SCAPER: variants seen among roughly 807,000 people sequenced by gnomAD.
SCAPER encodes S-phase cyclin A associated protein in the ER.
SCAPER carries 98 observed loss-of-function variants against 182.2 expected under a neutral mutation model. That is an observed-to-expected ratio of 0.54 (90% CI 0.46 to 0.64). The LOEUF is 0.64. SCAPER is among the 30% of genes least tolerant of loss of function. SCAPER has a pLI of 0.00. For synonymous variants in SCAPER, 605 were observed against 564.6 expected (o/e 1.07, Z -1.01); for missense variants, 1,432 against 1,690.0 (o/e 0.85, Z 2.68).
chr15:76,574,466 C>T (rs951800382), intron 22 of SCAPER, among the ~76,000 whole-genome samples, 182 bp from the exon 23 acceptor site: 1 of 152,192 alleles, frequency 6.6e-6, no homozygotes, highest in Non-Finnish European at 1.5e-5. Flanking sequence ...TTCATGACCA[C>T]CAATTCATTC....
At chr15:76,864,377 T>C (rs2072109425) in intron 2 of SCAPER, among the ~76,000 whole-genome samples, 2 of 152,228 alleles carry the variant, frequency 1.3e-5, no homozygotes, top group Non-Finnish European at 2.9e-5. Flanking sequence ...GAGAAACACA[T>C]TTACTAACTA....
Position 76,888,525 on chromosome 15 carries a change from G to A in SCAPER, c.-59-4649C>T, listed in dbSNP as rs111879903. Among the ~76,000 whole-genome samples the A allele has an allele frequency of 8.0e-3, 1,214 of 152,260 alleles. 11 individuals are homozygous for A. The highest frequency in any genetic ancestry group is 0.027 in the African/African-American group (1,139 of 41,514). The stretch of plus-strand genomic sequence containing the variant: ...AACCATGGCAAGAGAACTTCGTGAC[G>A]CATGCATAAGCCTCAGCAGCCGATT... On this transcript the variant is annotated intron_variant, in intron 1 of 31. Coordinates refer to ENST00000563290, the MANE Select transcript of SCAPER (RefSeq NM_020843.4).
At chr15:76,873,443 G>A (rs917352037) in intron 2 of SCAPER, among the ~76,000 whole-genome samples, 3 of 151,778 alleles carry the variant, frequency 2.0e-5, no homozygotes, top group Non-Finnish European at 4.4e-5. Context: ...CTTATAGGAA[G>A]AAATGGAAAG....
At chr15:76,664,447 T>C (rs1214118523) in intron 21 of SCAPER, among the ~76,000 whole-genome samples, 1 of 152,146 alleles carries the variant, frequency 6.6e-6, no homozygotes, top group East Asian at 1.9e-4. Context: ...AAAGTATTCA[T>C]TTGCTGATAT....
chr15:76,749,152 T>A (rs2061960059), intron 15 of SCAPER, among the ~76,000 whole-genome samples: 1 of 150,674 alleles, frequency 6.6e-6, no homozygotes, highest in Non-Finnish European at 1.5e-5. Context: ...ACAAAAATGA[T>A]AATATACTAT....
At chr15:76,539,966 A>G (rs2044586020) in intron 23 of SCAPER, among the ~76,000 whole-genome samples, 1 of 152,198 alleles carries the variant, frequency 6.6e-6, no homozygotes, top group Non-Finnish European at 1.5e-5. Flanking sequence ...TCTGAAAACA[A>G]TTCAAACAAA....
intron 25 of SCAPER, among the ~76,000 whole-genome samples, chr15:76,449,427 A>G (rs2048222305): frequency 6.6e-6 from 1 of 152,248 alleles, no homozygotes. Flanking sequence ...AGCTTAATTC[A>G]GTAAATATTG....
At chr15:76,723,952 T>C (rs2060424600) in intron 17 of SCAPER, among the ~76,000 whole-genome samples, 2 of 152,254 alleles carry the variant, frequency 1.3e-5, no homozygotes, top group Admixed American at 6.5e-5. Flanking sequence ...CGTGTGAATT[T>C]GATCCTGTCA....
chr15:76,754,871 T>C (rs2062319044), intron 14 of SCAPER, among the ~76,000 whole-genome samples: 1 of 152,136 alleles, frequency 6.6e-6, no homozygotes, highest in African/African-American at 2.4e-5. Flanking sequence ...TTTACTTCTA[T>C]AAAATGAGGT....
At chr15:76,662,701 G>T (rs2056289881) in intron 21 of SCAPER, among the ~76,000 whole-genome samples, 1 of 151,970 alleles carries the variant, frequency 6.6e-6, no homozygotes. Flanking sequence ...TTAAATCAAG[G>T]TGCTAAGCCA....
chr15:76,873,577 G>A (rs927940003), intron 2 of SCAPER, among the ~76,000 whole-genome samples: 1 of 152,012 alleles, frequency 6.6e-6, no homozygotes, highest in African/African-American at 2.4e-5. Flanking sequence ...ATTGAAATAA[G>A]AGAAAAATAC....
intron 29 of SCAPER, among the ~76,000 whole-genome samples, chr15:76,372,788 T>C (rs2042270584): frequency 6.6e-6 from 1 of 152,138 alleles, no homozygotes; most frequent in South Asian, 2.1e-4. Context: ...TGAATGTCCA[T>C]ACAAGATAAA....
At chr15:76,696,710 T>C (rs993617733) in intron 20 of SCAPER, among the ~76,000 whole-genome samples, 2 of 152,160 alleles carry the variant, frequency 1.3e-5, no homozygotes, top group Non-Finnish European at 2.9e-5. Flanking sequence ...AGATATCAAG[T>C]ACTAAAAATA....
At chr15:76,848,327 T>G (rs1483883917) in intron 4 of SCAPER, among the ~76,000 whole-genome samples, 1 of 144,140 alleles carries the variant, frequency 6.9e-6, no homozygotes, top group Non-Finnish European at 1.5e-5. Context: ...TTTGGGGTTT[T>G]TTTTTTTTTT....
chr15:76,357,440 T>A (rs751207907), intron 29 of SCAPER, among the ~76,000 whole-genome samples: 1 of 152,156 alleles, frequency 6.6e-6, no homozygotes, highest in Non-Finnish European at 1.5e-5. Flanking sequence ...ATGGCTATTA[T>A]TAAAAAGTCA....
At chr15:76,811,184 G>T (rs76415584) in intron 5 of SCAPER, among the ~76,000 whole-genome samples, 7,287 of 148,350 alleles carry the variant, frequency 0.049, 216 homozygotes, top group South Asian at 0.12. Context: ...CATAGAATTA[G>T]CAGGAAAATA....
At chr15:76,447,666 ATATTCT>A (rs1456668754) in intron 25 of SCAPER, among the ~76,000 whole-genome samples, 1 of 152,210 alleles carries the variant, frequency 6.6e-6, no homozygotes, top group Non-Finnish European at 1.5e-5. Flanking sequence ...TGTTATTCCT[ATATTCT>A]TAGACACCTA....
intron 29 of SCAPER, among the ~76,000 whole-genome samples, chr15:76,372,534 AC>A: frequency 6.6e-6 from 1 of 152,168 alleles, no homozygotes; most frequent in Non-Finnish European, 1.5e-5. Context: ...CAGCAGAAAA[AC>A]CGTCTGAAAT....
chr15:76,435,330 T>C (rs1387983952), intron 25 of SCAPER, among the ~76,000 whole-genome samples: 1 of 152,240 alleles, frequency 6.6e-6, no homozygotes, highest in Non-Finnish European at 1.5e-5. Flanking sequence ...TTTACCCTTT[T>C]GTCCAAAATT....
Sources: allele counts gnomAD v4.1 joint callset (sites outside exome capture counted in the v4.1 genomes callset), GRCh38; gene constraint gnomAD v4.1.1; transcripts MANE v1.5; gene names NCBI Gene and HGNC (gene_info 2026-07-23, HGNC 2026-07-21).